The following FER1L6 variants were observed in gnomAD, a reference collection of about 807,000 sequenced individuals.
FER1L6 encodes the protein fer-1-like protein 6.
In FER1L6, 177 loss-of-function variants were observed where a neutral mutation model predicts 219.2. That is an observed-to-expected ratio of 0.81 (90% confidence interval 0.71 to 0.91). FER1L6 has a LOEUF of 0.91. Ranked by LOEUF, FER1L6 falls within the 40% of genes least tolerant of loss-of-function variation. The probability of loss-of-function intolerance (pLI) is 0.00; values close to 1 mark genes in which losing one functional copy is unlikely to be tolerated. For synonymous variants in FER1L6, 768 were observed against 824.3 expected, an observed-to-expected ratio of 0.93 and a Z score of 1.17; for missense variants, 2,153 against 2,259.9, an observed-to-expected ratio of 0.95 and a Z score of 0.96.
rs200306307 is a variant in FER1L6, at chr8:123,864,599, G to C, written c.-8+12414G>C. Among the ~76,000 whole-genome samples, 123 of 149,296 alleles carry C rather than the reference G, an allele frequency of 8.2e-4. 2 individuals are homozygous for C. The highest frequency in any genetic ancestry group is 7.2e-3 in the South Asian group (34 of 4,724). On this transcript the variant is annotated intron_variant, in intron 1 of 40. Coordinates refer to ENST00000522917, the MANE Select transcript of FER1L6 (RefSeq NM_001039112.2). ...GTTTTCCAACTTGGTTCCATTCTCC[G>C]CATCACTTTCAGGTACACCAATCAG...
At chr8:124,075,504 T>A (rs147493687) in intron 31 of FER1L6, among the ~76,000 whole-genome samples, 137 of 152,290 alleles carry the variant, frequency 9.0e-4, no homozygotes, top group African/African-American at 3.1e-3. Context: ...TGGACCTGCC[T>A]ATGGATGTTT....
rs1053388081 is a variant in FER1L6, at chr8:123,923,870, G to A, written c.-7-32122G>A. Among the ~76,000 whole-genome samples, 18 of 149,308 alleles carry A rather than the reference G, an allele frequency of 1.2e-4. No homozygotes were observed. In the Admixed American group the frequency reaches 1.2e-3, roughly 10 times the overall value. On this transcript the variant is annotated intron_variant, in intron 1 of 40. Transcript: ENST00000522917. ...GAGAATTGCTTGAACTGGGACCCAGGAGGCAGCTGCAGTGAGCCGAGATCA... is the reference window on the plus strand; with the variant it reads ...GAGAATTGCTTGAACTGGGACCCAGAAGGCAGCTGCAGTGAGCCGAGATCA...
At chr8:123,935,164 T>G (rs6981056) in intron 1 of FER1L6, among the ~76,000 whole-genome samples, 83,988 of 152,010 alleles carry the variant, frequency 0.55, 24,165 homozygotes, top group African/African-American at 0.71. Flanking sequence ...TGTAAAAAAA[T>G]ATATTTCTCC....
chr8:124,082,548 T>C, intron 33 of FER1L6, 90 bp downstream of exon 33: 1 of 1,241,040 alleles, frequency 8.1e-7, no homozygotes, highest in African/African-American at 1.5e-5. Context: ...TGTCCATCTC[T>C]AGGAAGGCCA....
At chr8:124,041,957 A>G (rs1369871910) in intron 20 of FER1L6, among the ~76,000 whole-genome samples, 1 of 152,164 alleles carries the variant, frequency 6.6e-6, no homozygotes, top group South Asian at 2.1e-4. Flanking sequence ...TTCCTTCCAG[A>G]GGATAAAATA....
At chr8:123,905,117 T>C (rs922022287) in intron 1 of FER1L6, among the ~76,000 whole-genome samples, 1 of 152,182 alleles carries the variant, frequency 6.6e-6, no homozygotes, top group Non-Finnish European at 1.5e-5. Flanking sequence ...AGGAAACATG[T>C]GCAAGACGTG....
At chr8:123,961,297 GC>G (rs1815265154) in intron 2 of FER1L6, among the ~76,000 whole-genome samples, 1 of 151,686 alleles carries the variant, frequency 6.6e-6, no homozygotes, top group African/African-American at 2.4e-5. Flanking sequence ...AGAAGCTTGG[GC>G]CCCACCCAGA....
intron 1 of FER1L6, among the ~76,000 whole-genome samples, chr8:123,865,477 T>G (rs1191206661): frequency 3.0e-4 from 45 of 150,284 alleles, no homozygotes; most frequent in South Asian, 6.2e-4. Flanking sequence ...TACAGAGGCA[T>G]GCAGACCTCC....
chr8:123,961,863 TTTTG>T (rs1213965524), intron 2 of FER1L6, among the ~76,000 whole-genome samples: 8 of 152,048 alleles, frequency 5.3e-5, no homozygotes, highest in Middle Eastern at 3.4e-3. Context: ...GGTCTGTGTT[TTTTG>T]TTTGTTTGTT....
At chr8:123,934,480 T>C (rs10094501) in intron 1 of FER1L6, among the ~76,000 whole-genome samples, 39,646 of 152,032 alleles carry the variant, frequency 0.26, 6,163 homozygotes, top group African/African-American at 0.43. Context: ...TAGCAGACTT[T>C]TTTCTCAATT....
intron 1 of FER1L6, among the ~76,000 whole-genome samples, chr8:123,938,684 C>G (rs1417724282): frequency 6.6e-6 from 1 of 151,642 alleles, no homozygotes; most frequent in Non-Finnish European, 1.5e-5. Context: ...GTAGCTGGGA[C>G]TACAGGTGCC....
chr8:124,112,084 C>G (rs1823043235), intron 39 of FER1L6, among the ~76,000 whole-genome samples: 1 of 152,226 alleles, frequency 6.6e-6, no homozygotes, highest in Non-Finnish European at 1.5e-5. Flanking sequence ...GGGGGCACTT[C>G]TGTTTCCATG....
At position 124,069,473 on chromosome 8, in the gene FER1L6, C is replaced by T. The variant is rs771941775; in HGVS notation, c.3832C>T (p.Gln1278Ter). The T allele has an allele frequency of 6.2e-7, 1 of 1,606,282 alleles. No homozygotes were observed. ...TGGAATCCCCAACCTGGCCATCTTGCAGGTATGTGGGGACACAGGCATCTC... is the reference window on the plus strand; with the variant it reads ...TGGAATCCCCAACCTGGCCATCTTGTAGGTATGTGGGGACACAGGCATCTC... ...DDGIPNLAILQIYDGDLESEF... is the reference protein window; with the variant it reads ...DDGIPNLAIL Residue 1278 changes from glutamine to a stop codon, truncating the protein, a stop_gained and splice_region_variant, in exon 29 of 41, where the codon CAG (glutamine) becomes TAG (stop). Coordinates refer to ENST00000522917, the MANE Select transcript of FER1L6 (RefSeq NM_001039112.2). LOFTEE classifies it high-confidence loss of function.
At chr8:124,030,149 G>A (rs1818894440) in intron 18 of FER1L6, among the ~76,000 whole-genome samples, 1 of 152,162 alleles carries the variant, frequency 6.6e-6, no homozygotes, top group Non-Finnish European at 1.5e-5. Flanking sequence ...CCAGTACCAT[G>A]TGAAACATCT....
intron 10 of FER1L6, 136 bp downstream of exon 10, chr8:123,977,745 T>C (rs1449671811): frequency 1.1e-5 from 8 of 747,748 alleles, no homozygotes; most frequent in South Asian, 1.9e-5. Context: ...AAGACTATTT[T>C]TCCATGAATG....
chr8:124,062,415 T>C (rs1381794676), intron 25 of FER1L6, among the ~76,000 whole-genome samples: 1 of 152,202 alleles, frequency 6.6e-6, no homozygotes, highest in Non-Finnish European at 1.5e-5. Context: ...AAAGATTCTC[T>C]CATTCTATCC....
chr8:123,883,961 G>A (rs893998910), intron 1 of FER1L6, among the ~76,000 whole-genome samples: 1 of 152,052 alleles, frequency 6.6e-6, no homozygotes, highest in Non-Finnish European at 1.5e-5. Flanking sequence ...TGTGAATTTT[G>A]GGGGGACACA....
intron 1 of FER1L6, among the ~76,000 whole-genome samples, chr8:123,922,869 T>C (rs1302739367): frequency 6.6e-6 from 1 of 152,196 alleles, no homozygotes; most frequent in African/African-American, 2.4e-5. Context: ...GGAGCCATGA[T>C]TTGAACTCAA....
At chr8:123,932,794 G>T (rs1021950207) in intron 1 of FER1L6, among the ~76,000 whole-genome samples, 1 of 152,216 alleles carries the variant, frequency 6.6e-6, no homozygotes, top group African/African-American at 2.4e-5. Context: ...GCAAAATATT[G>T]TGCTTATGTG....
Sources: gnomAD v4.1 joint callset for allele counts (sites outside exome capture counted in the v4.1 genomes callset) on GRCh38, gnomAD v4.1.1 for gene constraint, MANE v1.5 for transcripts, NCBI Gene and HGNC (gene_info 2026-07-23, HGNC 2026-07-21) for gene names.